KLHDC1: variants seen among roughly 807,000 people sequenced by gnomAD.
KLHDC1 encodes kelch domain containing 1, also known as kelch domain-containing protein 1.
KLHDC1 carries 53 observed loss-of-function variants against 68.3 expected under a neutral mutation model. The observed-to-expected ratio is 0.78, with a 90% CI of 0.62 to 0.98. The LOEUF (loss-of-function observed/expected upper bound fraction) is 0.98. Among genes scored for constraint, KLHDC1 ranks in the 50% least tolerant of loss-of-function variants. The pLI is 0.00. For missense variants in KLHDC1, 470 were observed against 492.3 expected, an observed-to-expected ratio of 0.95 and a Z score of 0.43; for synonymous variants, 148 against 159.0, an observed-to-expected ratio of 0.93 and a Z score of 0.52.
At chr14:49,713,887 C>T (rs1888298874) in intron 4 of KLHDC1, among the ~76,000 whole-genome samples, 1 of 121,730 alleles carries the variant, frequency 8.2e-6, no homozygotes, top group Non-Finnish European at 1.6e-5. Context: ...GAGTCTCACT[C>T]TGTCACCCAG....
intron 1 of KLHDC1, chr14:49,707,838 T>C (rs1594653602): frequency 7.4e-6 from 1 of 135,178 alleles, no homozygotes; most frequent in South Asian, 2.4e-4. Context: ...TTTTTTTTTT[T>C]AGAGACAAGA....
rs938874477 is a variant in KLHDC1 at position 49,695,364 on chromosome 14, G to A, written c.96+2074G>A. ...ATGATTCCTTGATCCATGGGCAACA[G>A]AATGGATATTGTGTAGCAGGCATGA... On this transcript the variant is annotated intron_variant, in intron 1 of 12. Coordinates refer to ENST00000359332, the MANE Select transcript of KLHDC1 (RefSeq NM_172193.3). 2.6e-5 allele frequency among the ~76,000 whole-genome samples: 4 copies of A among 152,176 alleles called. No individual in the cohort carries two copies. The East Asian group carries it at 7.7e-4, about 29-fold the overall frequency.
intron 10 of KLHDC1, among the ~76,000 whole-genome samples, chr14:49,735,871 C>T (rs950473624): frequency 2.6e-5 from 4 of 151,670 alleles, no homozygotes; most frequent in African/African-American, 4.9e-5. Flanking sequence ...TTTTAATGGC[C>T]GGGTGTGGTG....
chr14:49,744,064 A>G (rs1889132992), intron 12 of KLHDC1, among the ~76,000 whole-genome samples: 1 of 152,064 alleles, frequency 6.6e-6, no homozygotes, highest in South Asian at 2.1e-4. Context: ...CAGGAGGATC[A>G]CTTGAGGTCA....
In KLHDC1 at chr14:49,716,147, C is replaced by T. The variant is rs1290388292; in HGVS notation, c.404+5766C>T. Among the ~76,000 whole-genome samples, 4 of 152,102 alleles carry T rather than the reference C, an allele frequency of 2.6e-5. No individual in the cohort carries two copies. In the East Asian group the frequency reaches 7.7e-4, roughly 29 times the overall value. On this transcript the variant is annotated intron_variant, in intron 4 of 12. Transcript: ENST00000359332. ...CATAGGACTGAACTCTGTCTCTGAA[C>T]CTAGCATAGGCTCGTATAAAGGGAG...
At chr14:49,730,402 A>G (rs1888775237) in intron 8 of KLHDC1, among the ~76,000 whole-genome samples, 1 of 151,858 alleles carries the variant, frequency 6.6e-6, no homozygotes, top group Admixed American at 6.6e-5. Context: ...TTGTATTTTT[A>G]GTAGAGACGA....
intron 8 of KLHDC1, among the ~76,000 whole-genome samples, chr14:49,731,754 G>C (rs560626556): frequency 6.6e-6 from 1 of 152,204 alleles, no homozygotes; most frequent in African/African-American, 2.4e-5. Flanking sequence ...TTTTGCCCAG[G>C]ATGGTCCGTC....
Position 49,725,741 on chromosome 14 carries a change from C to T in KLHDC1, c.539C>T (p.Thr180Ile). 1 of 1,558,160 alleles carries T rather than the reference C, an allele frequency of 6.4e-7. No homozygotes were observed. Among genetic ancestry groups the T allele is most frequent in the Non-Finnish European group, 8.7e-7 (1 of 1,147,404 alleles). ...HNDVHIFDTK[T>I]QTWFQPEIKG... The stretch of plus-strand genomic sequence containing the variant: ...GATGTCCACATATTTGACACAAAGA[C>T]ACAGACTTGGTTTCAACCAGAAATT... The change falls in exon 6 of 13, where the codon ACA becomes ATA. Residue 180 changes from threonine to isoleucine, a missense_variant. Transcript: ENST00000359332.
rs542151218 is a variant in KLHDC1 at position 49,709,312 on chromosome 14, A to G, written c.167+83A>G. 3.5e-4 allele frequency: 222 copies of G among 628,756 alleles called. 2 individuals carry two copies. The Middle Eastern group carries it at 9.8e-3, about 28-fold the overall frequency. 38.9% of individuals were successfully genotyped at this position (628,756 alleles called of 1,614,324 possible). ...TAGACTCTAGGGAATTTGAGACCAT[A>G]CTTTGAACATACTGCAACATTTTTG... On this transcript the variant is annotated intron_variant, in intron 2 of 12. Transcript: ENST00000359332.
chr14:49,715,489 G>A (rs1888345094), intron 4 of KLHDC1, among the ~76,000 whole-genome samples: 1 of 151,048 alleles, frequency 6.6e-6, no homozygotes, highest in Non-Finnish European at 1.5e-5. Flanking sequence ...GCTCACGCCT[G>A]TAAGCCCAGC....
At chr14:49,718,416 G>A (rs1371260004) in intron 4 of KLHDC1, among the ~76,000 whole-genome samples, 1 of 151,930 alleles carries the variant, frequency 6.6e-6, no homozygotes, top group African/African-American at 2.4e-5. Flanking sequence ...AAGCAGCCGG[G>A]ACTACAGGTG....
intron 1 of KLHDC1, among the ~76,000 whole-genome samples, chr14:49,702,149 CA>C (rs1887925358): frequency 8.8e-6 from 1 of 113,010 alleles, no homozygotes; most frequent in East Asian, 2.6e-4. Context: ...GCCTGGGCAA[CA>C]AGAGCGAAAT....
intron 4 of KLHDC1, among the ~76,000 whole-genome samples, chr14:49,719,671 C>T (rs1256380008): frequency 1.3e-5 from 2 of 151,910 alleles, no homozygotes; most frequent in African/African-American, 2.4e-5. Context: ...CTCCTGACCT[C>T]GTGATCCACT....
chr14:49,734,950 C>T (rs915608473), intron 10 of KLHDC1, among the ~76,000 whole-genome samples: 3 of 151,984 alleles, frequency 2.0e-5, no homozygotes, highest in Non-Finnish European at 4.4e-5. Flanking sequence ...TTAAAAGCAT[C>T]ATATGAGATT....
chr14:49,718,097 G>A (rs1303573175), intron 4 of KLHDC1, among the ~76,000 whole-genome samples: 1 of 151,990 alleles, frequency 6.6e-6, no homozygotes, highest in Non-Finnish European at 1.5e-5. Flanking sequence ...ATGTTGCCAG[G>A]CTGGTCTCAG....
intron 6 of KLHDC1, 130 bp downstream of exon 6, chr14:49,725,899 G>T: frequency 1.9e-6 from 1 of 533,624 alleles, no homozygotes; most frequent in Non-Finnish European, 3.3e-6. Context: ...CCAGGCTGGA[G>T]TACAGTGGCA....
chr14:49,709,245 T>C lies in KLHDC1; in HGVS notation c.167+16T>C, dbSNP rs758076206. The C allele has an allele frequency of 9.1e-7, 1 of 1,093,158 alleles. No individual in the cohort carries two copies. Among genetic ancestry groups the C allele is most frequent in the Non-Finnish European group, 1.4e-6 (1 of 731,310 alleles). 67.7% of individuals were successfully genotyped at this position (1,093,158 alleles called of 1,614,324 possible). ...GTGGGTTGTGGTAAGTAATTTTAAA[T>C]TGCATACTGTCTGATCTTAATATCT... On this transcript the variant is annotated intron_variant, in intron 2 of 12. Transcript: ENST00000359332.
intron 10 of KLHDC1, among the ~76,000 whole-genome samples, chr14:49,735,295 TAGGAAATTCAG>T (rs1265242412): frequency 2.6e-5 from 4 of 152,004 alleles, no homozygotes. Flanking sequence ...AATATCTTCA[TAGGAAATTCAG>T]ATTCAGCACA....
At position 49,734,641 on chromosome 14, in the gene KLHDC1, T is replaced by G. The variant is rs751717112; in HGVS notation, c.876T>G (p.His292Gln). The change falls in exon 10 of 13, where the codon CAT (histidine) becomes CAG (glutamine). Residue 292 changes from histidine to glutamine, a missense_variant. Physicochemically the swap from His to Gln is conservative, Grantham distance 24. Coordinates refer to ENST00000359332, the MANE Select transcript of KLHDC1 (RefSeq NM_172193.3). ...CAAATTGTTGGAAACAACTTACACA[T>G]TTACCTAAAACAAGACCTAGGTAAG... ...VTTNCWKQLT[H>Q]LPKTRPRLWH... The G allele has an allele frequency of 6.9e-6, 11 of 1,592,082 alleles. No homozygotes were observed. The highest frequency in any genetic ancestry group is 2.3e-5 in the East Asian group (1 of 44,218).
Sources: gnomAD v4.1 joint callset for allele counts (sites outside exome capture counted in the v4.1 genomes callset) on GRCh38, gnomAD v4.1.1 for gene constraint, MANE v1.5 for transcripts, NCBI Gene and HGNC (gene_info 2026-07-23, HGNC 2026-07-21) for gene names.